Variants in PDIA5 observed in about 807,000 individuals in gnomAD.
PDIA5 encodes the protein protein disulfide-isomerase A5.
In PDIA5, 58 loss-of-function variants were observed where a neutral mutation model predicts 77.6. That is an observed-to-expected ratio of 0.75 (90% CI 0.61 to 0.93). PDIA5 has a LOEUF of 0.93. PDIA5 is among the 40% of genes least tolerant of loss of function. The pLI, the probability that PDIA5 is intolerant of heterozygous loss-of-function variation, is 0.00. For missense variants in PDIA5, 630 were observed against 647.7 expected (o/e 0.97, Z 0.30); for synonymous variants, 250 against 252.1 (o/e 0.99, Z 0.08).
At chr3:123,067,380 G>A (rs1933596231) in intron 1 of PDIA5, 174 bp downstream of exon 1, 3 of 544,332 alleles carry the variant, frequency 5.5e-6, no homozygotes, top group Non-Finnish European at 8.3e-6. Flanking sequence ...GACAGCGGGC[G>A]TCCCGGTGCC....
intron 6 of PDIA5, among the ~76,000 whole-genome samples, chr3:123,108,768 C>G (rs1934797726): frequency 6.6e-6 from 1 of 151,922 alleles, no homozygotes; most frequent in Non-Finnish European, 1.5e-5. Context: ...TGCCTGTAAT[C>G]CCAGCTACTC....
At chr3:123,112,855 C>T (rs371531733) in intron 7 of PDIA5, among the ~76,000 whole-genome samples, 22 of 152,182 alleles carry the variant, frequency 1.4e-4, no homozygotes, top group South Asian at 1.0e-3. Flanking sequence ...CCACCGTGCC[C>T]GGCCCCCCAA....
chr3:123,145,648 G>A (rs1196816863), intron 12 of PDIA5, 56 bp downstream of exon 12: 3 of 1,459,458 alleles, frequency 2.1e-6, no homozygotes, highest in Non-Finnish European at 1.9e-6. Flanking sequence ...ACTGACAGGT[G>A]GAATCATTAT....
intron 2 of PDIA5, among the ~76,000 whole-genome samples, chr3:123,091,111 A>T (rs545167212): frequency 6.6e-6 from 1 of 152,246 alleles, no homozygotes; most frequent in South Asian, 2.1e-4. Context: ...CCAGCAGTAG[A>T]ACAATGGCTT....
chr3:123,145,818 T>C (rs1456050690), intron 12 of PDIA5, among the ~76,000 whole-genome samples: 2 of 152,172 alleles, frequency 1.3e-5, no homozygotes, highest in African/African-American at 4.8e-5. Context: ...CTCTGCCTGC[T>C]CCCTCTTTTC....
At chr3:123,079,175 C>CTTTTTT (rs35252405) in intron 1 of PDIA5, among the ~76,000 whole-genome samples, 96 of 93,996 alleles carry the variant, frequency 1.0e-3, no homozygotes, top group Middle Eastern at 0.01. Flanking sequence ...ATTTTGAATT[C>CTTTTTT]TTTTTTTTTT....
chr3:123,133,324 TC>T (rs1935415113), intron 11 of PDIA5, among the ~76,000 whole-genome samples: 1 of 152,204 alleles, frequency 6.6e-6, no homozygotes, highest in Non-Finnish European at 1.5e-5. Context: ...ATCACAGTGT[TC>T]CAGGTGTCAG....
intron 11 of PDIA5, among the ~76,000 whole-genome samples, chr3:123,135,988 G>A (rs759044268): frequency 6.6e-6 from 1 of 151,178 alleles, no homozygotes; most frequent in Non-Finnish European, 1.5e-5. Context: ...TAGAGACAGG[G>A]TCTCACTATG....
intron 11 of PDIA5, among the ~76,000 whole-genome samples, chr3:123,132,753 A>C (rs2717227): frequency 0.71 from 107,346 of 152,024 alleles, 38,886 homozygotes; most frequent in Non-Finnish European, 0.8. Flanking sequence ...CGAAATCACC[A>C]TCCTTGCACC....
At chr3:123,106,415 C>G (rs974209352) in intron 5 of PDIA5, among the ~76,000 whole-genome samples, 3 of 152,210 alleles carry the variant, frequency 2.0e-5, no homozygotes, top group African/African-American at 7.2e-5. Flanking sequence ...TAGTATGTCT[C>G]TGGTTTGAAT....
intron 11 of PDIA5, among the ~76,000 whole-genome samples, chr3:123,136,724 A>C (rs13089306): frequency 2.4e-5 from 2 of 84,842 alleles, no homozygotes; most frequent in Non-Finnish European, 5.4e-5. Flanking sequence ...GGGTGACAAG[A>C]CAAAAAAAAA....
At chr3:123,109,222 A>G (rs1934809705) in intron 6 of PDIA5, among the ~76,000 whole-genome samples, 1 of 152,232 alleles carries the variant, frequency 6.6e-6, no homozygotes, top group African/African-American at 2.4e-5. Flanking sequence ...GTCCACATAA[A>G]TAATGAAAAG....
At chr3:123,121,701 A>G (rs569866424) in intron 8 of PDIA5, among the ~76,000 whole-genome samples, 1 of 152,270 alleles carries the variant, frequency 6.6e-6, no homozygotes, top group East Asian at 1.9e-4. Flanking sequence ...AGTGGGGGCC[A>G]GGAGAGAACA....
At position 123,112,699 on chromosome 3, in the gene PDIA5, A is replaced by C. The variant is rs1260881485; in HGVS notation, c.541+1695A>C. ...CAGCTTCCCGAGTAGCTGGGACTAT[A>C]GGTGCCCGCCATGAGGCCTGGCTAA... On this transcript the variant is annotated intron_variant, in intron 7 of 16. Transcript: ENST00000316218. 3.3e-5 allele frequency among the ~76,000 whole-genome samples: 5 copies of C among 151,746 alleles called. No homozygotes were observed. The East Asian group carries it at 9.7e-4, about 29-fold the overall frequency.
chr3:123,070,767 C>A (rs866324021), intron 1 of PDIA5, among the ~76,000 whole-genome samples: 17 of 152,288 alleles, frequency 1.1e-4, no homozygotes, highest in Non-Finnish European at 1.6e-4. Flanking sequence ...GCCGTCCATG[C>A]TGATTGTCCT....
chr3:123,069,672 C>T (rs1461828495), intron 1 of PDIA5, among the ~76,000 whole-genome samples: 1 of 152,068 alleles, frequency 6.6e-6, no homozygotes, highest in Admixed American at 6.5e-5. Context: ...TTTTCAAGGG[C>T]ACTAATCCTA....
intron 13 of PDIA5, among the ~76,000 whole-genome samples, chr3:123,149,801 G>A (rs917398617): frequency 1.3e-5 from 2 of 152,068 alleles, no homozygotes; most frequent in Admixed American, 6.5e-5. Context: ...ACCCAGGCCC[G>A]CCTCACTCCT....
intron 8 of PDIA5, among the ~76,000 whole-genome samples, chr3:123,120,426 C>T (rs1323368457): frequency 6.6e-6 from 1 of 152,224 alleles, no homozygotes; most frequent in African/African-American, 2.4e-5. Flanking sequence ...CCCCACAGAG[C>T]ACTCATAGAC....
intron 11 of PDIA5, among the ~76,000 whole-genome samples, chr3:123,142,930 C>T (rs1167604128): frequency 6.6e-6 from 1 of 152,186 alleles, no homozygotes; most frequent in East Asian, 1.9e-4. Context: ...TCCAGGAGGT[C>T]TTCTCAAGCC....
Sources: allele counts gnomAD v4.1 joint callset (sites outside exome capture counted in the v4.1 genomes callset), GRCh38; gene constraint gnomAD v4.1.1; transcripts MANE v1.5; gene names NCBI Gene and HGNC (gene_info 2026-07-23, HGNC 2026-07-21).